The following KIAA0825 variants were observed in gnomAD, a reference collection of about 807,000 sequenced individuals.
KIAA0825 encodes the protein KIAA0825.
A neutral mutation model predicts 147.6 loss-of-function variants in KIAA0825; 119 were observed. That is an observed-to-expected ratio of 0.81 (90% CI 0.69 to 0.94). The LOEUF (loss-of-function observed/expected upper bound fraction) is 0.94. Among genes scored for constraint, KIAA0825 ranks in the 40% least tolerant of loss-of-function variants. The pLI is 0.00. For synonymous variants in KIAA0825, 470 were observed against 518.1 expected, an observed-to-expected ratio of 0.91 and a Z score of 1.26; for missense variants, 1,381 against 1,472.7, an observed-to-expected ratio of 0.94 and a Z score of 1.02.
chr5:94,386,995 CA>C (rs926323634), intron 18 of KIAA0825, among the ~76,000 whole-genome samples: 14 of 149,708 alleles, frequency 9.4e-5, no homozygotes, highest in African/African-American at 2.4e-4. Context: ...CAGGCCTGGG[CA>C]AAAAAAAAGC....
At chr5:94,503,387 A>G (rs1451391039) in intron 5 of KIAA0825, among the ~76,000 whole-genome samples, 4 of 152,174 alleles carry the variant, frequency 2.6e-5, no homozygotes, top group Non-Finnish European at 5.9e-5. Context: ...TCACAAATGT[A>G]TATTATTTCT....
chr5:94,589,647 T>C (rs1256365870), intron 1 of KIAA0825, among the ~76,000 whole-genome samples: 5 of 152,214 alleles, frequency 3.3e-5, no homozygotes, highest in Non-Finnish European at 7.3e-5. Flanking sequence ...AGGCACTCCA[T>C]ATTTTGATTA....
intron 2 of KIAA0825, among the ~76,000 whole-genome samples, chr5:94,548,494 AAAG>A (rs1226451343): frequency 1.3e-5 from 2 of 152,196 alleles, no homozygotes; most frequent in Non-Finnish European, 2.9e-5. Context: ...GGAAGGAAGG[AAAG>A]AAGGAAGAGA....
intron 13 of KIAA0825, among the ~76,000 whole-genome samples, chr5:94,447,625 T>C (rs1358097204): frequency 1.3e-5 from 2 of 152,150 alleles, no homozygotes; most frequent in East Asian, 1.9e-4. Context: ...ATGGAGAACA[T>C]TTTTTGAATG....
At chr5:94,605,253 T>C (rs1157594100) in intron 1 of KIAA0825, among the ~76,000 whole-genome samples, 1 of 152,126 alleles carries the variant, frequency 6.6e-6, no homozygotes, top group Non-Finnish European at 1.5e-5. Flanking sequence ...TAAGAAGTTC[T>C]GAAATTGAAG....
chr5:94,374,478 G>T (rs1747229763), intron 20 of KIAA0825, among the ~76,000 whole-genome samples: 1 of 152,172 alleles, frequency 6.6e-6, no homozygotes, highest in African/African-American at 2.4e-5. Flanking sequence ...CCACAGAATT[G>T]TATCACTCAA....
chr5:94,594,786 T>A, intron 1 of KIAA0825: 1 of 546,720 alleles, frequency 1.8e-6, no homozygotes, highest in Non-Finnish European at 3.5e-6. Flanking sequence ...AGAAGTCGAA[T>A]CATGATTGTA....
At chr5:94,348,223 G>A (rs941099103) in intron 20 of KIAA0825, among the ~76,000 whole-genome samples, 5 of 152,082 alleles carry the variant, frequency 3.3e-5, no homozygotes, top group Non-Finnish European at 5.9e-5. Flanking sequence ...AACGTATTTC[G>A]GGAAATAATT....
At chr5:94,590,679 C>T (rs77906673) in intron 1 of KIAA0825, among the ~76,000 whole-genome samples, 1 of 152,160 alleles carries the variant, frequency 6.6e-6, no homozygotes, top group Non-Finnish European at 1.5e-5. Context: ...TTAAAGCAAA[C>T]TGTGCTTCTT....
intron 14 of KIAA0825, among the ~76,000 whole-genome samples, chr5:94,417,982 A>G (rs17083670): frequency 0.11 from 15,990 of 152,174 alleles, 1,244 homozygotes; most frequent in African/African-American, 0.23. Flanking sequence ...CTTTGGCTCC[A>G]TAACAGCCTT....
intron 20 of KIAA0825, among the ~76,000 whole-genome samples, chr5:94,196,548 A>G (rs555743377): frequency 1.3e-5 from 2 of 151,904 alleles, no homozygotes; most frequent in Non-Finnish European, 2.9e-5. Flanking sequence ...GGTTTGATGT[A>G]CAGATTATTT....
intron 9 of KIAA0825, among the ~76,000 whole-genome samples, chr5:94,470,693 T>C (rs1384598215): frequency 6.6e-6 from 1 of 152,228 alleles, no homozygotes; most frequent in Admixed American, 6.5e-5. Context: ...ATCACAGTTA[T>C]ACCCTACATC....
chr5:94,475,682 G>A (rs997260389), intron 7 of KIAA0825, among the ~76,000 whole-genome samples: 3 of 152,200 alleles, frequency 2.0e-5, no homozygotes, highest in Admixed American at 6.5e-5. Context: ...TGTGGTGGGC[G>A]CCTGTAATCC....
chr5:94,535,425 G>A (rs112268722), intron 3 of KIAA0825, among the ~76,000 whole-genome samples: 6 of 142,066 alleles, frequency 4.2e-5, no homozygotes, highest in South Asian at 4.4e-4. Context: ...CACAAGAATC[G>A]CTTGAACCAG....
intron 13 of KIAA0825, among the ~76,000 whole-genome samples, chr5:94,441,654 G>A (rs1005399596): frequency 2.0e-5 from 3 of 152,078 alleles, no homozygotes; most frequent in African/African-American, 4.8e-5. Flanking sequence ...CAAGAAGTTC[G>A]CTATGGGAAA....
chr5:94,283,782 T>C (rs1777556770), intron 20 of KIAA0825, among the ~76,000 whole-genome samples: 1 of 152,172 alleles, frequency 6.6e-6, no homozygotes, highest in Non-Finnish European at 1.5e-5. Context: ...CTTATGACTT[T>C]GCAAGCTCAA....
Position 94,309,871 on chromosome 5 carries a change from G to A in KIAA0825, c.3710+74497C>T, listed in dbSNP as rs186727588. On this transcript the variant is annotated intron_variant, in intron 20 of 20. Coordinates refer to ENST00000682413, the MANE Select transcript of KIAA0825 (RefSeq NM_001145678.3). ...GTGCTCTGTTTGTGGACAGATATCC[G>A]TGGATGCCTTTAGGATTCTATTTAG... Among the ~76,000 whole-genome samples the A allele has an allele frequency of 2.4e-4, 37 of 151,768 alleles. 1 individual carries two copies. Among genetic ancestry groups the A allele is most frequent in the Admixed American group, 1.6e-3 (25 of 15,206 alleles).
intron 1 of KIAA0825, chr5:94,594,442 AT>A: frequency 1.4e-6 from 1 of 736,410 alleles, no homozygotes; most frequent in Admixed American, 1.7e-5. Flanking sequence ...CATACAGTAG[AT>A]TTTGAGTGTA....
intron 20 of KIAA0825, among the ~76,000 whole-genome samples, chr5:94,209,756 G>A (rs1022141493): frequency 6.6e-6 from 1 of 152,058 alleles, no homozygotes; most frequent in South Asian, 2.1e-4. Context: ...TCCTTTTGGT[G>A]TTTCTTAATT....
Sources: gnomAD v4.1 joint callset for allele counts (sites outside exome capture counted in the v4.1 genomes callset) on GRCh38, gnomAD v4.1.1 for gene constraint, MANE v1.5 for transcripts, NCBI Gene and HGNC (gene_info 2026-07-23, HGNC 2026-07-21) for gene names.